Variants in RBFOX1 observed in about 807,000 individuals in gnomAD.
RBFOX1 encodes RNA binding protein fox-1 homolog 1.
A neutral mutation model predicts 57.7 loss-of-function variants in RBFOX1; 8 were observed. That is an observed-to-expected ratio of 0.14 (90% CI 0.08 to 0.25). The LOEUF (loss-of-function observed/expected upper bound fraction) is 0.25. RBFOX1 is among the 10% of genes least tolerant of loss of function. The probability of loss-of-function intolerance (pLI) is 1.00; values close to 1 mark genes in which losing one functional copy is unlikely to be tolerated. For synonymous variants in RBFOX1, 326 were observed against 222.4 expected, an observed-to-expected ratio of 1.47 and a Z score of -4.15; for missense variants, 611 against 548.5, an observed-to-expected ratio of 1.11 and a Z score of -1.14.
intron 2 of RBFOX1, among the ~76,000 whole-genome samples, chr16:5,586,071 A>G (rs1268544434): frequency 2.6e-5 from 4 of 152,208 alleles, no homozygotes; most frequent in African/African-American, 7.2e-5. Context: ...CGTGCAGAGA[A>G]GAAGGCCATG....
chr16:6,936,349 A>C (rs1293676122), intron 3 of RBFOX1, among the ~76,000 whole-genome samples: 1 of 152,086 alleles, frequency 6.6e-6, no homozygotes, highest in African/African-American at 2.4e-5. Context: ...TGTTGAACCA[A>C]CTCTCAATGA....
intron 1 of RBFOX1, among the ~76,000 whole-genome samples, chr16:6,194,053 G>A (rs1407857754): frequency 6.6e-6 from 1 of 152,092 alleles, no homozygotes; most frequent in Non-Finnish European, 1.5e-5. Flanking sequence ...CTGCCTCTTG[G>A]ATGTGTCTTC....
At chr16:7,398,212 A>T (rs910701527) in intron 4 of RBFOX1, among the ~76,000 whole-genome samples, 1 of 152,220 alleles carries the variant, frequency 6.6e-6, no homozygotes, top group Admixed American at 6.5e-5. Context: ...TTAAAGCATC[A>T]GTATCATTGC....
intron 5 of RBFOX1, among the ~76,000 whole-genome samples, chr16:7,566,760 C>G (rs12922392): frequency 2.0e-5 from 3 of 151,904 alleles, no homozygotes; most frequent in African/African-American, 7.3e-5. Context: ...TGTCTTAACT[C>G]AGGATAGGGG....
chr16:7,684,736 G>A (rs904303899), intron 14 of RBFOX1, among the ~76,000 whole-genome samples: 2 of 151,962 alleles, frequency 1.3e-5, no homozygotes, highest in African/African-American at 4.8e-5. Flanking sequence ...TGAAGAACTT[G>A]TTTTTTCCAC....
At chr16:7,447,362 G>C (rs1008597103) in intron 4 of RBFOX1, among the ~76,000 whole-genome samples, 8 of 149,626 alleles carry the variant, frequency 5.3e-5, no homozygotes, top group Non-Finnish European at 1.0e-4. Flanking sequence ...GAGCCTGGGA[G>C]ACGGAGGTTG....
intron 4 of RBFOX1, among the ~76,000 whole-genome samples, chr16:7,322,955 G>A (rs2096564659): frequency 6.6e-6 from 1 of 152,130 alleles, no homozygotes; most frequent in African/African-American, 2.4e-5. Context: ...CCCACTTCCT[G>A]AAGACTCAGT....
intron 4 of RBFOX1, among the ~76,000 whole-genome samples, chr16:7,480,094 T>C (rs186354465): frequency 5.4e-4 from 82 of 152,350 alleles, no homozygotes; most frequent in Non-Finnish European, 9.8e-4. Context: ...TTGATTATCA[T>C]GTTCTTAAAG....
chr16:5,833,888 A>G (rs2056367142), intron 3 of RBFOX1, among the ~76,000 whole-genome samples: 1 of 152,218 alleles, frequency 6.6e-6, no homozygotes, highest in Admixed American at 6.5e-5. Flanking sequence ...GAATTCGTGC[A>G]TATACTACTC....
At chr16:5,869,206 T>G (rs1285461909) in intron 4 of RBFOX1, among the ~76,000 whole-genome samples, 1 of 152,118 alleles carries the variant, frequency 6.6e-6, no homozygotes, top group African/African-American at 2.4e-5. Context: ...CATGAAGGAC[T>G]GATTGCGCTT....
chr16:7,169,227 A>G (rs926219259), intron 4 of RBFOX1, among the ~76,000 whole-genome samples: 14 of 152,232 alleles, frequency 9.2e-5, no homozygotes, highest in Non-Finnish European at 1.9e-4. Context: ...GATAATGGTG[A>G]CGATGAAAAT....
chr16:6,016,285 G>T (rs895558436), upstream of RBFOX1, among the ~76,000 whole-genome samples: 3 of 151,400 alleles, frequency 2.0e-5, no homozygotes, highest in Admixed American at 2.0e-4. Flanking sequence ...GGAGTTGAGG[G>T]ATTGGCAGGG....
chr16:6,844,130 C>CTG (rs59164072), intron 3 of RBFOX1, among the ~76,000 whole-genome samples: 107,526 of 148,630 alleles, frequency 0.72, 38,408 homozygotes, highest in East Asian at 0.88. Context: ...CATGGCTTTT[C>CTG]TCTCTCTCCA....
intron 1 of RBFOX1, among the ~76,000 whole-genome samples, chr16:6,055,060 G>T (rs2095598262): frequency 6.6e-6 from 1 of 152,130 alleles, no homozygotes; most frequent in Non-Finnish European, 1.5e-5. Flanking sequence ...GTCATGTGAG[G>T]CTGTTCCTTT....
At chr16:5,818,116 T>C (rs1358405636) in intron 3 of RBFOX1, among the ~76,000 whole-genome samples, 1 of 152,218 alleles carries the variant, frequency 6.6e-6, no homozygotes, top group Non-Finnish European at 1.5e-5. Context: ...TGATCACTAG[T>C]AATGATACTT....
rs141230242 is a variant in RBFOX1, at chr16:7,133,363, C to G, written c.27+81265C>G. On this transcript the variant is annotated intron_variant, in intron 4 of 15. Transcript: ENST00000550418. ...TCTTGTTTCTGTAAATTAGAACATT[C>G]CGATGTGAGATGAACATATTGGTTG... 5.1e-4 allele frequency among the ~76,000 whole-genome samples: 78 copies of G among 152,210 alleles called. 3 individuals carry two copies. In the East Asian group the frequency reaches 9.1e-3, roughly 18 times the overall value.
At chr16:5,624,530 G>T (rs200170137) in intron 3 of RBFOX1, among the ~76,000 whole-genome samples, 1 of 152,208 alleles carries the variant, frequency 6.6e-6, no homozygotes, top group Non-Finnish European at 1.5e-5. Flanking sequence ...ACCCAGGTGG[G>T]GAAAAGCTCC....
chr16:7,350,210 C>T (rs530974021), intron 4 of RBFOX1, among the ~76,000 whole-genome samples: 1 of 152,064 alleles, frequency 6.6e-6, no homozygotes, highest in Admixed American at 6.5e-5. Context: ...ATAGTTGAAA[C>T]AGGAATTAGA....
At chr16:5,645,608 T>C (rs1292328060) in intron 3 of RBFOX1, among the ~76,000 whole-genome samples, 2 of 152,236 alleles carry the variant, frequency 1.3e-5, no homozygotes, top group African/African-American at 2.4e-5. Context: ...CATTGACCTG[T>C]TCCTTGATTG....
Sources: allele counts gnomAD v4.1 joint callset (sites outside exome capture counted in the v4.1 genomes callset), GRCh38; gene constraint gnomAD v4.1.1; transcripts MANE v1.5; gene names NCBI Gene and HGNC (gene_info 2026-07-23, HGNC 2026-07-21).